IBSP: variants seen among roughly 807,000 people sequenced by gnomAD.
The protein encoded by IBSP is integrin-binding sialoprotein.
In IBSP, 19 loss-of-function variants were observed where a neutral mutation model predicts 25.5. The ratio of observed to expected loss-of-function variants is 0.74; its 90% CI spans 0.52 to 1.09. The LOEUF (loss-of-function observed/expected upper bound fraction) is 1.09. IBSP is among the 50% of genes least tolerant of loss of function. The pLI is 0.00. For synonymous variants in IBSP, 144 were observed against 137.6 expected (o/e 1.05, Z -0.33); for missense variants, 360 against 382.3 (o/e 0.94, Z 0.49).
chr4:87,805,111 G>A (rs578220307), intron 4 of IBSP, among the ~76,000 whole-genome samples: 1 of 152,276 alleles, frequency 6.6e-6, no homozygotes, highest in East Asian at 1.9e-4. Context: ...TCTGAAGAAT[G>A]AGCCAGCAGG....
intron 4 of IBSP, among the ~76,000 whole-genome samples, chr4:87,805,613 T>C (rs1366365682): frequency 6.6e-6 from 1 of 152,224 alleles, no homozygotes; most frequent in Non-Finnish European, 1.5e-5. Flanking sequence ...TATAGTAAGC[T>C]GAATGATTTC....
In IBSP at chr4:87,811,644, T is replaced by A; in HGVS notation, c.688T>A (p.Ser230Thr). The A allele has an allele frequency of 6.2e-7, 1 of 1,611,922 alleles. No homozygotes were observed. The highest frequency in any genetic ancestry group is 8.5e-7 in the Non-Finnish European group (1 of 1,179,490). The change falls in exon 7 of 7, where the codon TCT becomes ACT. Residue 230 changes from serine to threonine, a missense_variant. Ser to Thr is a moderately conservative substitution (Grantham distance 58). Coordinates refer to ENST00000226284, the MANE Select transcript of IBSP (RefSeq NM_004967.4). The part of the protein sequence containing the change: ...QGKGTSKTTT[S>T]PNGGFEPTTP... ...CAAGGGCACCTCGAAGACAACAACC[T>A]CTCCAAATGGTGGGTTTGAACCTAC...
intron 6 of IBSP, among the ~76,000 whole-genome samples, chr4:87,811,048 G>C (rs1299413619): frequency 6.6e-6 from 1 of 152,050 alleles, no homozygotes; most frequent in Non-Finnish European, 1.5e-5. Flanking sequence ...ATGGATAAAA[G>C]GTCCTGAGAG....
intron 5 of IBSP, 61 bp from the exon 6 acceptor site, chr4:87,810,545 A>G: frequency 1.6e-6 from 2 of 1,282,750 alleles, no homozygotes; most frequent in Non-Finnish European, 2.3e-6. Flanking sequence ...TCACAGCTCC[A>G]GTAAATCTTG....
intron 6 of IBSP, 24 bp from the exon 7 acceptor site, chr4:87,811,338 G>A: frequency 6.4e-7 from 1 of 1,572,958 alleles, no homozygotes. Context: ...CTAGATTTGG[G>A]TTCTTTCAAA....
At chr4:87,801,481 TACACACACACACACAC>T (rs34524230) in intron 1 of IBSP, among the ~76,000 whole-genome samples, 5,663 of 132,430 alleles carry the variant, frequency 0.043, 350 homozygotes, top group African/African-American at 0.14. Flanking sequence ...CACCCACCCA[TACACACACACACACAC>T]ACACACACAC....
At chr4:87,800,938 G>T (rs560786509) in intron 1 of IBSP, among the ~76,000 whole-genome samples, 1 of 152,142 alleles carries the variant, frequency 6.6e-6, no homozygotes, top group African/African-American at 2.4e-5. Context: ...GTATGAGAAG[G>T]TGCTAACAGT....
chr4:87,811,257 A>C, intron 6 of IBSP, 105 bp from the exon 7 acceptor site: 20 of 1,293,216 alleles, frequency 1.5e-5, no homozygotes, highest in Non-Finnish European at 1.9e-5. Flanking sequence ...AATTCAAATA[A>C]GACGCCTAGA....
intron 5 of IBSP, among the ~76,000 whole-genome samples, chr4:87,807,504 T>C (rs1722104584): frequency 6.6e-6 from 1 of 152,122 alleles, no homozygotes; most frequent in South Asian, 2.1e-4. Context: ...TCCCACAACA[T>C]TTCTGCTGGA....
chr4:87,800,659 T>C (rs1397493572), intron 1 of IBSP, among the ~76,000 whole-genome samples: 1 of 152,128 alleles, frequency 6.6e-6, no homozygotes, highest in African/African-American at 2.4e-5. Context: ...TGTGAGAAAC[T>C]GTCTGGGCAC....
intron 4 of IBSP, among the ~76,000 whole-genome samples, chr4:87,805,708 T>G (rs1448048585): frequency 6.6e-6 from 1 of 152,214 alleles, no homozygotes; most frequent in Non-Finnish European, 1.5e-5. Context: ...AAGTCACAAC[T>G]TTTTTAGGCC....
rs184216569 is a variant in IBSP, at chr4:87,805,057, C to T, written c.184-1065C>T. On this transcript the variant is annotated intron_variant, in intron 4 of 6. Coordinates refer to ENST00000226284, the MANE Select transcript of IBSP (RefSeq NM_004967.4). ...TTTCCACCTGAGGTTATTCCTGGCTCGAGGTGACAAGCATTCCCTTTCCTT... is the reference window on the plus strand; with the variant it reads ...TTTCCACCTGAGGTTATTCCTGGCTTGAGGTGACAAGCATTCCCTTTCCTT... Among the ~76,000 whole-genome samples the T allele has an allele frequency of 7.2e-4, 109 of 152,248 alleles. 1 individual carries two copies. Among genetic ancestry groups the T allele is most frequent in the Non-Finnish European group, 1.3e-3 (88 of 68,020 alleles).
rs1194757343 is a variant in IBSP, at chr4:87,802,622, A to G, written c.106-32A>G. 2.6e-6 allele frequency: 4 copies of G among 1,566,042 alleles called. 1 individual carries two copies. Among genetic ancestry groups the G allele is most frequent in the South Asian group, 2.4e-5 (2 of 83,412 alleles). On this transcript the variant is annotated intron_variant, in intron 3 of 6. Coordinates refer to ENST00000226284, the MANE Select transcript of IBSP (RefSeq NM_004967.4). ...TTGCTGTATATTTATTGCATATTAA[A>G]CATGAATATATCATTTATTTTGTTT...
chr4:87,812,260 C>T lies in IBSP; in HGVS notation c.*350C>T, dbSNP rs760052889. On this transcript the variant is annotated 3_prime_UTR_variant, in exon 7 of 7. Transcript: ENST00000226284. ...AAACATACTCTTTGTACAAGAAGTG[C>T]TTCTAAGAATTTCATTGACATTAAT... 1.5e-5 allele frequency: 3 copies of T among 202,932 alleles called. No individual in the cohort carries two copies. Among genetic ancestry groups the T allele is most frequent in the Non-Finnish European group, 1.9e-5 (2 of 102,670 alleles). The allele number at this position is 202,932 out of a possible 1,614,324, so 12.6% of individuals were successfully genotyped here. A position where few individuals can be genotyped will look rare whatever the true frequency, so the allele number is the denominator to read the frequency against.
chr4:87,801,206 A>C (rs961230386), intron 1 of IBSP, among the ~76,000 whole-genome samples: 4 of 152,016 alleles, frequency 2.6e-5, no homozygotes, highest in Non-Finnish European at 5.9e-5. Flanking sequence ...ATAGAATTGA[A>C]ATTTTCATCC....
intron 3 of IBSP, 28 bp from the exon 4 acceptor site, chr4:87,802,626 G>T (rs1265792423): frequency 6.4e-7 from 1 of 1,564,680 alleles, no homozygotes; most frequent in Non-Finnish European, 8.6e-7. Flanking sequence ...TATTAAACAT[G>T]AATATATCAT....
At chr4:87,802,268 A>G (rs1439816382) in intron 1 of IBSP, 80 bp from the exon 2 acceptor site, 25 of 788,638 alleles carry the variant, frequency 3.2e-5, no homozygotes, top group Non-Finnish European at 3.5e-5. Context: ...CAAATTAAAT[A>G]CTTCATCTTT....
At chr4:87,799,742 A>C (rs1200602875) in intron 1 of IBSP, 109 bp downstream of exon 1, 1 of 152,198 alleles carries the variant, frequency 6.6e-6, no homozygotes, top group African/African-American at 2.4e-5. Context: ...TGCATTGTAC[A>C]TGGTTTAATA....
Position 87,811,844 on chromosome 4 carries a change from G to A in IBSP, c.888G>A (p.Glu296=), listed in dbSNP as rs1346230405. The A allele has an allele frequency of 1.9e-6, 3 of 1,591,678 alleles. No homozygotes were observed. Among genetic ancestry groups the A allele is most frequent in the Non-Finnish European group, 2.6e-6 (3 of 1,169,224 alleles). The part of the protein sequence containing the change: ...RGDNYRAYED[E]YSYFKGQGYD... ...ACAATTACCGAGCCTATGAAGATGA[G>A]TACAGCTACTTTAAAGGACAAGGCT... Residue 296 remains glutamate, a synonymous_variant, in exon 7 of 7, where the codon GAG becomes GAA. Transcript: ENST00000226284.
Sources: allele counts gnomAD v4.1 joint callset (sites outside exome capture counted in the v4.1 genomes callset), GRCh38; gene constraint gnomAD v4.1.1; transcripts MANE v1.5; gene names NCBI Gene and HGNC (gene_info 2026-07-23, HGNC 2026-07-21).